Variants in SGMS1 observed in about 807,000 individuals in gnomAD.
SGMS1 encodes phosphatidylcholine:ceramide cholinephosphotransferase 1.
A neutral mutation model predicts 46.2 loss-of-function variants in SGMS1; 13 were observed. The ratio of observed to expected loss-of-function variants is 0.28; its 90% CI spans 0.18 to 0.45. SGMS1 has a LOEUF of 0.45. Ranked by LOEUF, SGMS1 falls within the 20% of genes least tolerant of loss-of-function variation. The pLI is 1.00. For synonymous variants in SGMS1, 203 were observed against 187.8 expected (o/e 1.08, Z -0.66); for missense variants, 324 against 519.9 (o/e 0.62, Z 3.66).
chr10:50,378,579 T>C (rs1274536167), intron 6 of SGMS1, among the ~76,000 whole-genome samples: 2 of 152,198 alleles, frequency 1.3e-5, no homozygotes, highest in African/African-American at 2.4e-5. Flanking sequence ...GCATTATTCA[T>C]ACACTAATTT....
intron 1 of SGMS1, among the ~76,000 whole-genome samples, chr10:50,619,107 TG>T (rs5784837): frequency 0.058 from 8,879 of 151,956 alleles, 726 homozygotes; most frequent in East Asian, 0.36. Context: ...CACACCTGCC[TG>T]GGCGACAGAC....
At chr10:50,450,546 T>C (rs1837093673) in intron 5 of SGMS1, among the ~76,000 whole-genome samples, 1 of 152,184 alleles carries the variant, frequency 6.6e-6, no homozygotes, top group Non-Finnish European at 1.5e-5. Context: ...AGGAAACATT[T>C]TAGAAGAAAA....
chr10:50,611,758 G>C (rs1045964481), intron 1 of SGMS1, among the ~76,000 whole-genome samples: 17 of 152,038 alleles, frequency 1.1e-4, no homozygotes, highest in African/African-American at 3.6e-4. Context: ...CCACCTGCCT[G>C]TGCACCTTCA....
chr10:50,528,775 G>A (rs993423906), intron 2 of SGMS1, among the ~76,000 whole-genome samples: 31 of 152,270 alleles, frequency 2.0e-4, no homozygotes, highest in African/African-American at 7.2e-4. Flanking sequence ...TGAGAGAATA[G>A]CTTGAGCCCA....
chr10:50,573,130 T>C (rs1838350296), intron 2 of SGMS1, among the ~76,000 whole-genome samples: 1 of 152,160 alleles, frequency 6.6e-6, no homozygotes, highest in African/African-American at 2.4e-5. Context: ...GCTAACATCA[T>C]ACTCAATGGA....
At chr10:50,540,056 C>G (rs1159722172) in intron 2 of SGMS1, among the ~76,000 whole-genome samples, 1 of 152,136 alleles carries the variant, frequency 6.6e-6, no homozygotes. Context: ...GTATTTCTTA[C>G]TTAATCTTCA....
At chr10:50,561,461 C>T (rs969929637) in intron 2 of SGMS1, among the ~76,000 whole-genome samples, 2 of 152,194 alleles carry the variant, frequency 1.3e-5, no homozygotes, top group African/African-American at 4.8e-5. Context: ...GGATTCCTTC[C>T]AGCTCAAACC....
chr10:50,336,003 T>C (rs1222825828), intron 7 of SGMS1: 1 of 152,086 alleles, frequency 6.6e-6, no homozygotes, highest in Admixed American at 6.5e-5. Context: ...AAATTGTAAA[T>C]TAGAAAAGGT....
At chr10:50,410,677 GC>G (rs1237949046) in intron 6 of SGMS1, among the ~76,000 whole-genome samples, 1 of 152,214 alleles carries the variant, frequency 6.6e-6, no homozygotes, top group East Asian at 1.9e-4. Flanking sequence ...ACCGATGAGG[GC>G]AAGACCAATC....
At chr10:50,561,383 C>A (rs1215908451) in intron 2 of SGMS1, among the ~76,000 whole-genome samples, 1 of 152,220 alleles carries the variant, frequency 6.6e-6, no homozygotes, top group Non-Finnish European at 1.5e-5. Context: ...GAATGTAACA[C>A]AGTCCATCTG....
rs567264435 is a variant in SGMS1, at chr10:50,457,137, T to C, written c.-313+3536A>G. Among the ~76,000 whole-genome samples, 378 of 152,314 alleles carry C rather than the reference T, an allele frequency of 2.5e-3. 1 individual carries two copies. Among genetic ancestry groups the C allele is most frequent in the African/African-American group, 8.3e-3 (346 of 41,580 alleles). The stretch of plus-strand genomic sequence containing the variant: ...CGCTATTACCCAAAGGGAATACTTA[T>C]AGCCACTAAAAGTATGTTGCAAAAG... On this transcript the variant is annotated intron_variant, in intron 5 of 10. Transcript: ENST00000361781.
chr10:50,403,310 T>C (rs1000076963), intron 6 of SGMS1, among the ~76,000 whole-genome samples: 2 of 152,114 alleles, frequency 1.3e-5, no homozygotes, highest in Admixed American at 6.6e-5. Flanking sequence ...TTCCATAAAG[T>C]TTATGAGGTA....
chr10:50,589,730 C>A (rs535180948), intron 2 of SGMS1, among the ~76,000 whole-genome samples: 2 of 152,300 alleles, frequency 1.3e-5, no homozygotes, highest in East Asian at 3.9e-4. Flanking sequence ...CCTCAGCCTC[C>A]CAAAGTGCCG....
intron 1 of SGMS1, among the ~76,000 whole-genome samples, chr10:50,603,316 C>T (rs1257760560): frequency 2.0e-5 from 3 of 152,198 alleles, no homozygotes; most frequent in African/African-American, 4.8e-5. Context: ...GCCCAGGCTG[C>T]GCACCACCAG....
intron 4 of SGMS1, among the ~76,000 whole-genome samples, chr10:50,464,472 G>A (rs189696926): frequency 9.2e-5 from 14 of 152,288 alleles, no homozygotes; most frequent in East Asian, 5.8e-4. Context: ...TCTCTCTGTC[G>A]CCCAGGCTGG....
At position 50,308,195 on chromosome 10, in the gene SGMS1, T is replaced by A. The variant is rs1054077321; in HGVS notation, c.896-47A>T. ...AATAGTCCCATTATTCAAATGACAT[T>A]AAGGGCACCCAACTATGCCTCTACT... On this transcript the variant is annotated intron_variant, in intron 9 of 10. Transcript: ENST00000361781. 4 of 1,557,546 alleles carry A rather than the reference T, an allele frequency of 2.6e-6. No individual in the cohort carries two copies. In the African/African-American group the frequency reaches 4.1e-5, roughly 16 times the overall value.
At chr10:50,561,208 G>A (rs1425256615) in intron 2 of SGMS1, among the ~76,000 whole-genome samples, 1 of 152,126 alleles carries the variant, frequency 6.6e-6, no homozygotes, top group Non-Finnish European at 1.5e-5. Context: ...TTGCTAAATG[G>A]CATGTGAATG....
At chr10:50,423,387 G>A (rs1849280162) in intron 6 of SGMS1, among the ~76,000 whole-genome samples, 1 of 152,108 alleles carries the variant, frequency 6.6e-6, no homozygotes, top group Non-Finnish European at 1.5e-5. Flanking sequence ...GTCCAGTTTG[G>A]GGCCATGTAC....
chr10:50,573,196 C>T (rs1236722725), intron 2 of SGMS1, among the ~76,000 whole-genome samples: 1 of 152,166 alleles, frequency 6.6e-6, no homozygotes, highest in Non-Finnish European at 1.5e-5. Flanking sequence ...GCCCCACACT[C>T]ACTACTTCTA....
Sources: gnomAD v4.1 joint callset for allele counts (sites outside exome capture counted in the v4.1 genomes callset) on GRCh38, gnomAD v4.1.1 for gene constraint, MANE v1.5 for transcripts, NCBI Gene and HGNC (gene_info 2026-07-23, HGNC 2026-07-21) for gene names.